DAB1: variants seen among roughly 807,000 people sequenced by gnomAD.
The protein encoded by DAB1 is disabled homolog 1.
DAB1 carries 15 observed loss-of-function variants against 64.6 expected under a neutral mutation model. The ratio of observed to expected loss-of-function variants is 0.23; its 90% confidence interval spans 0.16 to 0.36. DAB1 has a LOEUF of 0.36. Among genes scored for constraint, DAB1 ranks in the 10% least tolerant of loss-of-function variants. The pLI is 1.00. For missense variants in DAB1, 596 were observed against 706.7 expected (o/e 0.84, Z 1.78); for synonymous variants, 235 against 251.9 (o/e 0.93, Z 0.64).
chr1:58,258,057 G>A (rs567714395), intron 4 of DAB1, among the ~76,000 whole-genome samples: 4 of 152,244 alleles, frequency 2.6e-5, no homozygotes, highest in African/African-American at 7.2e-5. Flanking sequence ...CACATTCCTC[G>A]TACACATGCA....
chr1:57,084,642 C>A (rs546750287), intron 4 of DAB1, among the ~76,000 whole-genome samples: 1 of 152,280 alleles, frequency 6.6e-6, no homozygotes, highest in Non-Finnish European at 1.5e-5. Context: ...TCTCAGTGAG[C>A]CTTAATTTTT....
intron 1 of DAB1, among the ~76,000 whole-genome samples, chr1:57,392,644 TGGTG>T (rs2101006001): frequency 6.6e-6 from 1 of 152,356 alleles, no homozygotes; most frequent in African/African-American, 2.4e-5. Flanking sequence ...GAAATATTTT[TGGTG>T]GGTCTTGAAA....
At position 57,071,673 on chromosome 1, in the gene DAB1, G is replaced by A. The variant is rs577919871; in HGVS notation, c.439-32C>T. Reference sequence around the variant, plus strand: ...TGAAAGGTAGTAAGGCACATCATAAGGGAATGGTACTGAGACGCAGCAACA... The same window carrying A: ...TGAAAGGTAGTAAGGCACATCATAAAGGAATGGTACTGAGACGCAGCAACA... On this transcript the variant is annotated intron_variant, in intron 5 of 14. Coordinates refer to ENST00000371236, the MANE Select transcript of DAB1 (RefSeq NM_001365792.1). The A allele has an allele frequency of 2.2e-5, 35 of 1,608,180 alleles. No homozygotes were observed. The Admixed American group carries it at 3.6e-4, about 16-fold the overall frequency.
intron 9 of DAB1, among the ~76,000 whole-genome samples, chr1:57,061,938 ATTG>A (rs1271354369): frequency 6.6e-6 from 1 of 152,168 alleles, no homozygotes. Context: ...CTGTCCACAC[ATTG>A]TTGAGATGAA....
chr1:57,590,741 C>CAA (rs1185417692), intron 7 of DAB1, among the ~76,000 whole-genome samples: 1 of 78,834 alleles, frequency 1.3e-5, no homozygotes, highest in Non-Finnish European at 3.1e-5. Context: ...CCGTAACACA[C>CAA]ACACACACAC....
intron 5 of DAB1, among the ~76,000 whole-genome samples, chr1:58,107,452 C>G (rs1383953698): frequency 6.9e-6 from 1 of 145,754 alleles, no homozygotes; most frequent in Non-Finnish European, 1.5e-5. Flanking sequence ...ACCTGGGTGA[C>G]AGCAAGACTC....
At chr1:58,518,805 A>G (rs974657933) in intron 2 of DAB1, among the ~76,000 whole-genome samples, 5 of 152,172 alleles carry the variant, frequency 3.3e-5, no homozygotes, top group Non-Finnish European at 7.4e-5. Flanking sequence ...AGAAGAGGAG[A>G]TAGCAGACAG....
chr1:57,320,166 A>G (rs566697839), intron 1 of DAB1, among the ~76,000 whole-genome samples: 2 of 152,216 alleles, frequency 1.3e-5, no homozygotes, highest in African/African-American at 2.4e-5. Flanking sequence ...GTGGGAGAGG[A>G]CTGTATTATG....
At chr1:57,454,804 C>A (rs1480039463) in intron 7 of DAB1, among the ~76,000 whole-genome samples, 6 of 152,040 alleles carry the variant, frequency 3.9e-5, no homozygotes, top group Non-Finnish European at 7.4e-5. Context: ...CTTAACAGAC[C>A]TTTACTATAT....
Position 57,139,443 on chromosome 1 carries a change from T to G in DAB1, c.208-2802A>C, listed in dbSNP as rs139206756. On this transcript the variant is annotated intron_variant, in intron 3 of 14. Transcript: ENST00000371236. ...CCAGAACTGTGAGAAAACAAATTTG[T>G]TTTTTATAAATTACCCAGTCTCAGG... Among the ~76,000 whole-genome samples, 1,353 of 152,194 alleles carry G rather than the reference T, an allele frequency of 8.9e-3. 6 individuals carry two copies. The highest frequency in any genetic ancestry group is 0.015 in the Non-Finnish European group (1,008 of 67,992).
At chr1:58,529,889 A>T (rs555718004) in intron 1 of DAB1, among the ~76,000 whole-genome samples, 86 of 151,030 alleles carry the variant, frequency 5.7e-4, no homozygotes, top group African/African-American at 1.8e-3. Flanking sequence ...TTTTATTTTT[A>T]TTTTTTTTTG....
At chr1:58,479,723 G>A (rs146626834) in intron 3 of DAB1, among the ~76,000 whole-genome samples, 3,379 of 152,256 alleles carry the variant, frequency 0.022, 51 homozygotes, top group Admixed American at 0.044. Flanking sequence ...TGTCTTGATA[G>A]CTTAGTCTTA....
At chr1:57,980,363 T>A (rs1646035154) in intron 5 of DAB1, among the ~76,000 whole-genome samples, 1 of 152,052 alleles carries the variant, frequency 6.6e-6, no homozygotes, top group African/African-American at 2.4e-5. Context: ...AGGTGAAATA[T>A]CCCCCACTTT....
intron 4 of DAB1, among the ~76,000 whole-genome samples, chr1:58,218,310 C>G (rs1175635877): frequency 6.6e-6 from 1 of 152,188 alleles, no homozygotes; most frequent in Non-Finnish European, 1.5e-5. Flanking sequence ...GGAGCCAGAG[C>G]CGCCTGGAGT....
chr1:57,558,224 C>T (rs987027436), intron 7 of DAB1, among the ~76,000 whole-genome samples: 1 of 152,308 alleles, frequency 6.6e-6, no homozygotes, highest in Admixed American at 6.5e-5. Context: ...AACATGCCCT[C>T]CCTGAGCCAT....
chr1:57,436,364 T>C (rs1444640712), intron 7 of DAB1, among the ~76,000 whole-genome samples: 3 of 152,226 alleles, frequency 2.0e-5, no homozygotes, highest in Non-Finnish European at 4.4e-5. Context: ...CATCATCATA[T>C]GACGGATCAA....
At position 57,889,906 on chromosome 1, in the gene DAB1, G is replaced by T. The variant is rs533777765; in HGVS notation, n.388-5744C>A. ...TGGTAGCACAAACTGGGGCGGGGGGGGGGGAGGGGGAAGAAATCACTGGAG... is the reference window on the plus strand; with the variant it reads ...TGGTAGCACAAACTGGGGCGGGGGGTGGGGAGGGGGAAGAAATCACTGGAG... On this transcript the variant is annotated intron_variant and non_coding_transcript_variant, in intron 5 of 20. Coordinates refer to the DAB1 transcript ENST00000485760. Among the ~76,000 whole-genome samples the T allele has an allele frequency of 1.3e-3, 161 of 127,018 alleles. 2 individuals are homozygous for T. Among genetic ancestry groups the T allele is most frequent in the Non-Finnish European group, 2.1e-3 (126 of 60,984 alleles). The allele number at this position is 127,018 out of a possible 152,430, so 83.3% of individuals were successfully genotyped here.
intron 5 of DAB1, among the ~76,000 whole-genome samples, chr1:57,913,425 C>A (rs1292293944): frequency 6.6e-6 from 1 of 152,196 alleles, no homozygotes; most frequent in African/African-American, 2.4e-5. Context: ...CTTCCTTACA[C>A]CTTTTACAAA....
intron 1 of DAB1, among the ~76,000 whole-genome samples, chr1:57,872,940 A>T (rs575448764): frequency 2.9e-4 from 44 of 152,242 alleles, no homozygotes; most frequent in African/African-American, 1.0e-3. Context: ...CAATGAGTAA[A>T]CACTTTCTGG....
Sources: gnomAD v4.1 joint callset for allele counts (sites outside exome capture counted in the v4.1 genomes callset) on GRCh38, gnomAD v4.1.1 for gene constraint, MANE v1.5 for transcripts, NCBI Gene and HGNC (gene_info 2026-07-23, HGNC 2026-07-21) for gene names.